Variants in TLE3 observed in about 807,000 individuals in gnomAD.
The protein encoded by TLE3 is TLE family member 3, transcriptional corepressor, also known as transducin-like enhancer protein 3.
TLE3 carries 14 observed loss-of-function variants against 93.0 expected under a neutral mutation model. The ratio of observed to expected loss-of-function variants is 0.15; its 90% CI spans 0.10 to 0.24. The LOEUF (loss-of-function observed/expected upper bound fraction) is 0.24. TLE3 is among the 10% of genes least tolerant of loss of function. The pLI is 1.00. For missense variants in TLE3, 693 were observed against 1,046.6 expected, an observed-to-expected ratio of 0.66 and a Z score of 4.66; for synonymous variants, 451 against 425.0, an observed-to-expected ratio of 1.06 and a Z score of -0.75.
At chr15:70,074,887 C>T (rs2141808084) in intron 5 of TLE3, among the ~76,000 whole-genome samples, 1 of 152,360 alleles carries the variant, frequency 6.6e-6, no homozygotes, top group Admixed American at 6.5e-5. Flanking sequence ...ACCACACACA[C>T]ACAAATTTTT....
intron 4 of TLE3, among the ~76,000 whole-genome samples, chr15:70,079,936 T>G (rs1256364648): frequency 6.6e-6 from 1 of 151,890 alleles, no homozygotes; most frequent in Non-Finnish European, 1.5e-5. Flanking sequence ...CAAGAGAGCT[T>G]AGAGAAATAT....
At chr15:70,087,684 C>T (rs2058094740) in intron 4 of TLE3, among the ~76,000 whole-genome samples, 1 of 151,860 alleles carries the variant, frequency 6.6e-6, no homozygotes, top group African/African-American at 2.4e-5. Context: ...GACTTCAGGC[C>T]CCAACAGGGT....
chr15:70,083,923 G>C (rs2057916608), intron 4 of TLE3, among the ~76,000 whole-genome samples: 1 of 152,138 alleles, frequency 6.6e-6, no homozygotes, highest in Non-Finnish European at 1.5e-5. Context: ...CACAACCAAA[G>C]AGCATACCTG....
In TLE3 at chr15:70,050,309, C is replaced by T. The variant is rs1233326538; in HGVS notation, c.2203-105G>A. 3.5e-6 allele frequency: 3 copies of T among 866,286 alleles called. No individual in the cohort carries two copies. The East Asian group carries it at 7.4e-5, about 21-fold the overall frequency. The allele number at this position is 866,286 out of a possible 1,614,324, so 53.7% of individuals were successfully genotyped here. A position where few individuals can be genotyped will look rare whatever the true frequency, so the allele number is the denominator to read the frequency against. On this transcript the variant is annotated intron_variant, in intron 19 of 19. Coordinates refer to ENST00000451782, the MANE Select transcript of TLE3 (RefSeq NM_001105192.3). ...CTCAACACCATCTCGGTTCTCTCGG[C>T]AACAATTGCCCTCCTCTGCCCCTCT...
intron 2 of TLE3, 169 bp from the exon 3 acceptor site, chr15:70,095,810 G>A: frequency 1.3e-6 from 1 of 784,852 alleles, no homozygotes; most frequent in East Asian, 2.7e-5. Flanking sequence ...CCCGCCGTGG[G>A]GAGGGGGATG....
Position 70,048,919 on chromosome 15 carries a change from A to T in TLE3, c.*1178T>A, listed in dbSNP as rs576667222. On this transcript the variant is annotated 3_prime_UTR_variant, in exon 20 of 20. Coordinates refer to ENST00000451782, the MANE Select transcript of TLE3 (RefSeq NM_001105192.3). ...AGGTTTATACACTTTCCCCCCTCTA[A>T]GGGGAGAGGAAGAGACTGTAGGCGG... 12 of 152,092 alleles carry T rather than the reference A, an allele frequency of 7.9e-5. No individual in the cohort carries two copies. The highest frequency in any genetic ancestry group is 3.3e-4 in the Admixed American group (5 of 15,276). 9.4% of individuals were successfully genotyped at this position (152,092 alleles called of 1,614,324 possible). A position where few individuals can be genotyped will look rare whatever the true frequency, so the allele number is the denominator to read the frequency against.
intron 4 of TLE3, among the ~76,000 whole-genome samples, chr15:70,093,325 C>T (rs1017157312): frequency 2.6e-5 from 4 of 152,216 alleles, no homozygotes; most frequent in Non-Finnish European, 5.9e-5. Flanking sequence ...AAGGAAACTA[C>T]AGATCCCAAA....
At chr15:70,095,941 C>T in intron 2 of TLE3, 2 of 663,388 alleles carry the variant, frequency 3.0e-6, no homozygotes, top group Non-Finnish European at 5.0e-6. Flanking sequence ...CGACCTAGAC[C>T]CTCATTCGGG....
At chr15:70,078,318 C>T (rs1279377947) in intron 4 of TLE3, among the ~76,000 whole-genome samples, 4 of 152,034 alleles carry the variant, frequency 2.6e-5, no homozygotes, top group Non-Finnish European at 5.9e-5. Flanking sequence ...CACTCCAAAC[C>T]GGCAGAGTAA....
chr15:70,074,410 C>A, intron 6 of TLE3, 123 bp downstream of exon 6: 1 of 1,261,256 alleles, frequency 7.9e-7, no homozygotes, highest in South Asian at 1.4e-5. Context: ...TTGTAGAAGC[C>A]GGAGCCCTGG....
rs1596054668 is a variant in TLE3, at chr15:70,097,147, C to G, written c.-349G>C. The G allele has an allele frequency of 2.4e-6, 1 of 422,294 alleles. No individual in the cohort carries two copies. The highest frequency in any genetic ancestry group is 2.1e-5 in the African/African-American group (1 of 48,478). The allele number at this position is 422,294 out of a possible 1,614,324, so 26.2% of individuals were successfully genotyped here. A position where few individuals can be genotyped will look rare whatever the true frequency, so the allele number is the denominator to read the frequency against. On this transcript the variant is annotated 5_prime_UTR_variant, in exon 1 of 20. Coordinates refer to ENST00000451782, the MANE Select transcript of TLE3 (RefSeq NM_001105192.3). Reference sequence around the variant, plus strand: ...TGCGCGGACATCGTCGGCTCCCCAGCAGGTCCGGCGCGGGGTCCCGAGGCC... The same window carrying G: ...TGCGCGGACATCGTCGGCTCCCCAGGAGGTCCGGCGCGGGGTCCCGAGGCC...
In TLE3 at chr15:70,097,343, G is replaced by A. The variant is rs886408942; in HGVS notation, c.-545C>T. On this transcript the variant is annotated 5_prime_UTR_variant, in exon 1 of 20. Coordinates refer to ENST00000451782, the MANE Select transcript of TLE3 (RefSeq NM_001105192.3). ...AGAGGAAGGAGGCGGGCTACGAGGT[G>A]GTGGCTTGGGGCCGCAGGAGCGCCG... The A allele has an allele frequency of 2.5e-6, 1 of 404,024 alleles. No individual in the cohort carries two copies. Among genetic ancestry groups the A allele is most frequent in the Non-Finnish European group, 4.4e-6 (1 of 229,706 alleles). 25.0% of individuals were successfully genotyped at this position (404,024 alleles called of 1,614,324 possible). A position where few individuals can be genotyped will look rare whatever the true frequency, so the allele number is the denominator to read the frequency against.
chr15:70,059,116 C>CT (rs1447622410), intron 10 of TLE3, among the ~76,000 whole-genome samples: 2 of 152,154 alleles, frequency 1.3e-5, no homozygotes. Flanking sequence ...GGCTGAGACC[C>CT]TGGGGGGACG....
chr15:70,055,052 G>A lies in TLE3; in HGVS notation c.1575C>T (p.Cys525=), dbSNP rs758371910. The change falls in exon 15 of 20, where the codon TGC becomes TGT. Residue 525 remains cysteine (C), a synonymous_variant. Transcript: ENST00000451782. ...GCAGCAGCCCTGGGATTCTCACCAG[G>A]CAGTCCAGCTGGGAGATGGGGCTCT... ...GSKSPISQLD[C]LNRDNYIRSC... 1.9e-6 allele frequency: 3 copies of A among 1,607,326 alleles called. No individual in the cohort carries two copies. Among genetic ancestry groups the A allele is most frequent in the African/African-American group, 2.7e-5 (2 of 74,782 alleles).
intron 4 of TLE3, among the ~76,000 whole-genome samples, chr15:70,087,653 G>A (rs2058092791): frequency 6.6e-6 from 1 of 152,200 alleles, no homozygotes; most frequent in Non-Finnish European, 1.5e-5. Flanking sequence ...CAGCCAGCCT[G>A]GGAGAGAACA....
intron 8 of TLE3, among the ~76,000 whole-genome samples, chr15:70,062,872 C>A (rs2056582757): frequency 6.6e-6 from 1 of 152,192 alleles, no homozygotes; most frequent in Admixed American, 6.5e-5. Flanking sequence ...TTCCTGAGGC[C>A]CATGTGTGCC....
At chr15:70,053,602 A>C in intron 16 of TLE3, 1 of 407,150 alleles carries the variant, frequency 2.5e-6, no homozygotes. Context: ...TCCCCTGGGA[A>C]ATGGGGGGGG....
At chr15:70,063,134 T>C (rs1477717861) in intron 8 of TLE3, among the ~76,000 whole-genome samples, 2 of 152,118 alleles carry the variant, frequency 1.3e-5, no homozygotes, top group African/African-American at 4.8e-5. Context: ...GAAACAAAGC[T>C]GAGAGGTTGG....
In TLE3 at chr15:70,064,486, G is replaced by A. The variant is rs1163172066; in HGVS notation, c.578-16C>T. ...GATTCTCTCTCTTTGGGGAAAGAAG[G>A]CCAGGACAGGAGGAAGGTCAGGCAC... On this transcript the variant is annotated splice_polypyrimidine_tract_variant and intron_variant, in intron 7 of 19. Transcript: ENST00000451782. The A allele has an allele frequency of 2.5e-6, 4 of 1,613,908 alleles. No individual in the cohort carries two copies. In the South Asian group the frequency reaches 3.3e-5, roughly 13 times the overall value.
Sources: gnomAD v4.1 joint callset for allele counts (sites outside exome capture counted in the v4.1 genomes callset) on GRCh38, gnomAD v4.1.1 for gene constraint, MANE v1.5 for transcripts, NCBI Gene and HGNC (gene_info 2026-07-23, HGNC 2026-07-21) for gene names.